Variants in SLC7A2 observed in about 807,000 individuals in gnomAD.
SLC7A2 encodes cationic amino acid transporter 2.
Under a neutral mutation model 58.9 loss-of-function variants are expected in SLC7A2, and 48 were observed. The ratio of observed to expected loss-of-function variants is 0.82; its 90% CI spans 0.65 to 1.04. SLC7A2 has a LOEUF of 1.04. Ranked by LOEUF, SLC7A2 falls within the 50% of genes least tolerant of loss-of-function variation. The pLI, the probability that SLC7A2 is intolerant of heterozygous loss-of-function variation, is 0.00. For missense variants in SLC7A2, 1,029 were observed against 818.8 expected (o/e 1.26, Z -3.13); for synonymous variants, 363 against 314.5 (o/e 1.15, Z -1.63).
rs1360499656 is a variant in SLC7A2, at chr8:17,553,380, A to G, written c.1056-1180A>G. Reference sequence around the variant, plus strand: ...GGTTTATTTTGAATAGCTTCAAGTAATTTCAAAAGTCTGAACTGTGAAGAT... The same window carrying G: ...GGTTTATTTTGAATAGCTTCAAGTAGTTTCAAAAGTCTGAACTGTGAAGAT... On this transcript the variant is annotated intron_variant, in intron 7 of 12. Coordinates refer to ENST00000494857, the MANE Select transcript of SLC7A2 (RefSeq NM_001370338.1). 3.9e-5 allele frequency among the ~76,000 whole-genome samples: 6 copies of G among 152,124 alleles called. No individual in the cohort carries two copies. In the East Asian group the frequency reaches 1.2e-3, roughly 29 times the overall value.
rs988450504 is a variant in SLC7A2 at position 17,567,266 on chromosome 8, G to T, written c.*2120G>T. On this transcript the variant is annotated 3_prime_UTR_variant, in exon 13 of 13. Coordinates refer to ENST00000494857, the MANE Select transcript of SLC7A2 (RefSeq NM_001370338.1). ...CCCGTTTGATTCTATACCCAATCAA[G>T]AATAGACCCTTCACACAGGAAATGT... 6.6e-6 allele frequency: 1 copy of T among 152,438 alleles called. No individual in the cohort carries two copies. Among genetic ancestry groups the T allele is most frequent in the Non-Finnish European group, 1.5e-5 (1 of 68,036 alleles). The allele number at this position is 152,438 out of a possible 1,614,324, so 9.4% of individuals were successfully genotyped here. A position where few individuals can be genotyped will look rare whatever the true frequency, so the allele number is the denominator to read the frequency against.
intron 5 of SLC7A2, among the ~76,000 whole-genome samples, chr8:17,549,902 C>T (rs1272997810): frequency 6.6e-6 from 1 of 152,132 alleles, no homozygotes; most frequent in Non-Finnish European, 1.5e-5. Context: ...TATACTCTGC[C>T]TTACTCGATG....
chr8:17,560,353 C>G lies in SLC7A2; in HGVS notation c.1324C>G (p.Gln442Glu). The G allele has an allele frequency of 6.2e-7, 1 of 1,613,948 alleles. No homozygotes were observed. Among genetic ancestry groups the G allele is most frequent in the Non-Finnish European group, 8.5e-7 (1 of 1,179,868 alleles). The change falls in exon 10 of 13, where the codon CAG becomes GAG. Residue 442 changes from glutamine (Q) to glutamate (E), a missense_variant. Coordinates refer to ENST00000494857, the MANE Select transcript of SLC7A2 (RefSeq NM_001370338.1). The part of the protein sequence containing the change: ...LRYQPGLSYD[Q>E]PKCSPEKDGL... ...GTACCAGCCTGGCTTATCTTACGAC[C>G]AGCCCAAATGTTCTCCTGAGAAAGA...
At chr8:17,553,570 A>G (rs1802549975) in intron 7 of SLC7A2, among the ~76,000 whole-genome samples, 1 of 152,158 alleles carries the variant, frequency 6.6e-6, no homozygotes, top group African/African-American at 2.4e-5. Flanking sequence ...AAAGAGTTCA[A>G]GACCAGCCTG....
intron 8 of SLC7A2, among the ~76,000 whole-genome samples, chr8:17,556,089 T>A (rs1360650932): frequency 1.3e-5 from 2 of 152,296 alleles, no homozygotes; most frequent in East Asian, 3.9e-4. Flanking sequence ...TTCTTATAAA[T>A]CTGGCCCTTT....
At chr8:17,540,998 G>C (rs1270653811) in intron 2 of SLC7A2, among the ~76,000 whole-genome samples, 1 of 152,036 alleles carries the variant, frequency 6.6e-6, no homozygotes, top group Non-Finnish European at 1.5e-5. Context: ...ATGACAAATG[G>C]GTATGTTTAT....
chr8:17,494,819 T>G (rs1799918643), upstream of SLC7A2, among the ~76,000 whole-genome samples: 1 of 152,242 alleles, frequency 6.6e-6, no homozygotes, highest in Non-Finnish European at 1.5e-5. Flanking sequence ...GTAAAGATAT[T>G]CAGCAATCTT....
chr8:17,539,987 A>T (rs1203275199), intron 2 of SLC7A2, among the ~76,000 whole-genome samples: 1 of 152,198 alleles, frequency 6.6e-6, no homozygotes, highest in African/African-American at 2.4e-5. Flanking sequence ...ATATGTACAT[A>T]TCAAATTATA....
rs1563492837 is a variant in SLC7A2 at position 17,568,020 on chromosome 8, A to AG, written c.*2874_*2875insG. ...GTGAATTCATAATGTTTTCAACTAA[A>AG]TTTTTTTTTTCTTTCTCAGAATTAC... On this transcript the variant is annotated 3_prime_UTR_variant, in exon 13 of 13. Transcript: ENST00000494857. The AG allele has an allele frequency of 8.8e-4, 1 of 1,130 alleles. No individual in the cohort carries two copies. The highest frequency in any genetic ancestry group is 3.6e-3 in the African/African-American group (1 of 278). The allele number at this position is 1,130 out of a possible 1,614,324, so 0.1% of individuals were successfully genotyped here. A position where few individuals can be genotyped will look rare whatever the true frequency, so the allele number is the denominator to read the frequency against.
chr8:17,508,416 T>C (rs1003527311), intron 2 of SLC7A2, among the ~76,000 whole-genome samples: 6 of 152,186 alleles, frequency 3.9e-5, no homozygotes, highest in African/African-American at 1.4e-4. Context: ...TTGGATGCCC[T>C]GTCTACTTTT....
At chr8:17,538,272 T>C (rs1801758220) in intron 2 of SLC7A2, among the ~76,000 whole-genome samples, 1 of 152,214 alleles carries the variant, frequency 6.6e-6, no homozygotes, top group South Asian at 2.1e-4. Context: ...TTTTTACCTA[T>C]GTCTACACTT....
upstream of SLC7A2, among the ~76,000 whole-genome samples, chr8:17,496,086 C>G (rs1286586974): frequency 2.6e-5 from 4 of 152,188 alleles, no homozygotes. Flanking sequence ...GTTAAAGGGA[C>G]GTTTACTCCA....
chr8:17,535,264 C>G (rs1395517125), intron 2 of SLC7A2, among the ~76,000 whole-genome samples: 1 of 152,004 alleles, frequency 6.6e-6, no homozygotes, highest in African/African-American at 2.4e-5. Flanking sequence ...TGTGTACACC[C>G]TCTGCTTAGA....
intron 2 of SLC7A2, chr8:17,520,797 T>A: frequency 1.5e-6 from 1 of 686,308 alleles, no homozygotes; most frequent in Non-Finnish European, 1.8e-6. Context: ...AAGCAGAGGA[T>A]ATTTTTAAAT....
chr8:17,497,009 G>A (rs989004900), upstream of SLC7A2: 60 of 130,488 alleles, frequency 4.6e-4, no homozygotes, highest in African/African-American at 1.5e-3. Flanking sequence ...CCGGGAGCGC[G>A]GAGGAGGCGG....
At chr8:17,543,744 G>C (rs1228631754) in intron 3 of SLC7A2, 29 bp downstream of exon 3, 24 of 1,509,322 alleles carry the variant, frequency 1.6e-5, no homozygotes, top group Non-Finnish European at 2.0e-5. Flanking sequence ...TCTAACTTGT[G>C]TGGAATGGAA....
chr8:17,499,900 A>C (rs1800086930), intron 1 of SLC7A2: 1 of 152,232 alleles, frequency 6.6e-6, no homozygotes, highest in Non-Finnish European at 1.5e-5. Context: ...TTTTCATTTT[A>C]GTACCTAATA....
chr8:17,563,640 T>A lies in SLC7A2; in HGVS notation c.1709T>A (p.Leu570Ter), dbSNP rs758696603. 1.9e-6 allele frequency: 3 copies of A among 1,613,568 alleles called. No homozygotes were observed. The highest frequency in any genetic ancestry group is 8.5e-7 in the Non-Finnish European group (1 of 1,179,690). ...CCATTTTTGCCAGCGTTCAGCATCT[T>A]GGTGAACATTTACTTGATGGTCCAG... Reference protein sequence around the residue: ...FLPFLPAFSILVNIYLMVQLS... With the variant: ...FLPFLPAFSI The change falls in exon 12 of 13, where the codon TTG becomes TAG. Residue 570 changes from leucine to a stop codon, truncating the protein, a stop_gained. Coordinates refer to ENST00000494857, the MANE Select transcript of SLC7A2 (RefSeq NM_001370338.1). LOFTEE classifies it high-confidence loss of function.
chr8:17,502,436 C>T (rs1189823390), intron 2 of SLC7A2, 134 bp downstream of exon 2: 3 of 152,102 alleles, frequency 2.0e-5, no homozygotes, highest in African/African-American at 7.2e-5. Context: ...GAAGGGAACA[C>T]ATTCAGTTTA....
Sources: gnomAD v4.1 joint callset for allele counts (sites outside exome capture counted in the v4.1 genomes callset) on GRCh38, gnomAD v4.1.1 for gene constraint, MANE v1.5 for transcripts, NCBI Gene and HGNC (gene_info 2026-07-23, HGNC 2026-07-21) for gene names.